Variants in TEX14 observed in about 807,000 individuals in gnomAD.
TEX14 encodes inactive serine/threonine-protein kinase TEX14.
A neutral mutation model predicts 178.6 loss-of-function variants in TEX14; 168 were observed. The observed-to-expected ratio is 0.94, with a 90% CI of 0.83 to 1.07. The LOEUF (loss-of-function observed/expected upper bound fraction) is 1.07, where lower values mean the gene tolerates loss of function less well. Among genes scored for constraint, TEX14 ranks in the 50% least tolerant of loss-of-function variants. The pLI is 0.00. For missense variants in TEX14, 1,730 were observed against 1,753.6 expected (o/e 0.99, Z 0.24); for synonymous variants, 626 against 634.1 (o/e 0.99, Z 0.19).
intron 11 of TEX14, among the ~76,000 whole-genome samples, chr17:58,604,405 A>G (rs576785783): frequency 3.3e-5 from 5 of 151,246 alleles, no homozygotes; most frequent in Admixed American, 2.6e-4. Flanking sequence ...CGGGAGGCAG[A>G]GGTTGCAGTA....
Position 58,572,103 on chromosome 17 carries a change from G to A in TEX14, c.3535C>T (p.Gln1179Ter). 6.2e-7 allele frequency: 1 copy of A among 1,607,418 alleles called. No individual in the cohort carries two copies. The highest frequency in any genetic ancestry group is 8.5e-7 in the Non-Finnish European group (1 of 1,174,596). The change falls in exon 24 of 32, where the codon CAG (glutamine) becomes TAG (stop). Residue 1179 changes from glutamine to a stop codon, truncating the protein, a stop_gained. Coordinates refer to ENST00000349033, the MANE Select transcript of TEX14 (RefSeq NM_031272.5). LOFTEE classifies it high-confidence loss of function. The stretch of plus-strand genomic sequence containing the variant: ...ATACTTTCAAGGCAGTCTTTATACT[G>A]ACTGGCAGCTGAAGAAACGGACCCT... Reference protein sequence around the residue: ...SPGSVSSAASQYKDCLESITF... With the variant: ...SPGSVSSAAS
chr17:58,592,807 A>G (rs539150742), intron 15 of TEX14, among the ~76,000 whole-genome samples: 62 of 152,180 alleles, frequency 4.1e-4, no homozygotes, highest in African/African-American at 1.3e-3. Context: ...CCAAAGTGCT[A>G]GGATTACAGG....
chr17:58,673,103 C>A (rs2047330488), intron 1 of TEX14, among the ~76,000 whole-genome samples: 1 of 152,014 alleles, frequency 6.6e-6, no homozygotes, highest in African/African-American at 2.4e-5. Context: ...GACAGTGGAG[C>A]CACTCCCAAA....
chr17:58,589,001 C>T (rs985051782), intron 15 of TEX14, among the ~76,000 whole-genome samples: 4 of 152,168 alleles, frequency 2.6e-5, no homozygotes, highest in Admixed American at 6.5e-5. Context: ...TGGCTGGGCA[C>T]GGTAGCTCAC....
rs777395611 is a variant in TEX14, at chr17:58,587,625, T to C, written c.2744A>G (p.Glu915Gly). The change falls in exon 17 of 32, where the codon GAG becomes GGG. Residue 915 changes from glutamate (E) to glycine (G), a missense_variant. By Grantham distance (98) the Glu-to-Gly change is moderately conservative. Around this residue, in one of 2 missense-constraint regions of TEX14, gnomAD observed 941 missense variants for 1,072.4 expected, o/e 0.88. Coordinates refer to ENST00000349033, the MANE Select transcript of TEX14 (RefSeq NM_031272.5). ...CTTTCCATCATCTTTATTTCTGGAC[T>C]CTGCATTATAGATTTCAGAAGAAAC... is the stretch of plus-strand genomic sequence containing the variant. ...EPVSSEIYNA[E>G]SRNKDDGKVH... 2 of 1,608,198 alleles carry C rather than the reference T, an allele frequency of 1.2e-6. No homozygotes were observed. The highest frequency in any genetic ancestry group is 1.7e-6 in the Non-Finnish European group (2 of 1,178,018).
intron 3 of TEX14, among the ~76,000 whole-genome samples, chr17:58,629,250 C>T (rs1200812390): frequency 6.6e-6 from 1 of 151,278 alleles, no homozygotes; most frequent in Non-Finnish European, 1.5e-5. Flanking sequence ...GCCAGGAGTT[C>T]GAGACCAGCC....
intron 11 of TEX14, among the ~76,000 whole-genome samples, chr17:58,603,887 C>CTGTGTG (rs71143257): frequency 0.028 from 2,909 of 105,194 alleles, 72 homozygotes; most frequent in East Asian, 0.067. Flanking sequence ...TGTGATTTTA[C>CTGTGTG]TGTGTGTGTG....
chr17:58,600,176 A>C (rs1246810330), intron 13 of TEX14, among the ~76,000 whole-genome samples: 2 of 152,116 alleles, frequency 1.3e-5, no homozygotes, highest in African/African-American at 4.8e-5. Flanking sequence ...CTTTTCACAC[A>C]AAAGAGTTTG....
intron 1 of TEX14, among the ~76,000 whole-genome samples, chr17:58,659,138 T>C (rs987270712): frequency 1.3e-5 from 2 of 150,844 alleles, no homozygotes; most frequent in South Asian, 2.1e-4. Flanking sequence ...TTTAAACTAG[T>C]TCAATCACAG....
At chr17:58,587,731 A>C (rs2045012696) in intron 16 of TEX14, 65 bp from the exon 17 acceptor site, 3 of 1,304,278 alleles carry the variant, frequency 2.3e-6, no homozygotes, top group Non-Finnish European at 3.3e-6. Context: ...CAGTTTGCTC[A>C]AGTTCTTGAC....
At chr17:58,597,326 G>T (rs1231370905) in intron 14 of TEX14, among the ~76,000 whole-genome samples, 3 of 152,082 alleles carry the variant, frequency 2.0e-5, no homozygotes, top group Non-Finnish European at 4.4e-5. Context: ...TTGAACCTGG[G>T]AGGCAGAGTT....
At position 58,563,811 on chromosome 17, in the gene TEX14, G is replaced by GACAC. The variant is rs113071230; in HGVS notation, c.4064+1054_4064+1057dup. Among the ~76,000 whole-genome samples the GACAC allele has an allele frequency of 5.3e-4, 73 of 138,158 alleles. No homozygotes were observed. In the South Asian group the frequency reaches 8.2e-3, roughly 15 times the overall value. The allele number at this position is 138,158 out of a possible 152,430, so 90.6% of individuals were successfully genotyped here. ...ACATATATATGTATACACACACACA[G>GACAC]ACACACACACACACACACACACACA... On this transcript the variant is annotated intron_variant, in intron 28 of 31. Coordinates refer to ENST00000349033, the MANE Select transcript of TEX14 (RefSeq NM_031272.5).
chr17:58,632,244 G>A (rs1481298742), intron 2 of TEX14, among the ~76,000 whole-genome samples: 3 of 152,230 alleles, frequency 2.0e-5, no homozygotes, highest in African/African-American at 7.2e-5. Flanking sequence ...CAAAGCCAAA[G>A]ATTGTGATAT....
At position 58,667,816 on chromosome 17, in the gene TEX14, C is replaced by T. The variant is rs956807853; in HGVS notation, c.-1-15814G>A. ...AGGAGAACTGCTTGAACCCGGGAGG[C>T]GAAGGTTGCAGTGAGGCAATGAGCC... On this transcript the variant is annotated intron_variant, in intron 1 of 31. Coordinates refer to ENST00000349033, the MANE Select transcript of TEX14 (RefSeq NM_031272.5). Among the ~76,000 whole-genome samples, 3 of 149,088 alleles carry T rather than the reference C, an allele frequency of 2.0e-5. No homozygotes were observed. The Admixed American group carries it at 2.1e-4, about 10-fold the overall frequency.
At chr17:58,566,027 T>C (rs1048471913) in intron 26 of TEX14, among the ~76,000 whole-genome samples, 1 of 152,192 alleles carries the variant, frequency 6.6e-6, no homozygotes, top group African/African-American at 2.4e-5. Flanking sequence ...GTGTTTTACT[T>C]AGCCCTTCAT....
chr17:58,567,104 T>C (rs1451174655), intron 26 of TEX14, among the ~76,000 whole-genome samples: 1 of 152,054 alleles, frequency 6.6e-6, no homozygotes, highest in African/African-American at 2.4e-5. Context: ...GAGGTGAAGG[T>C]TGCAGTGAGC....
At chr17:58,637,821 T>G (rs1430433734) in intron 2 of TEX14, among the ~76,000 whole-genome samples, 1 of 151,624 alleles carries the variant, frequency 6.6e-6, no homozygotes. Context: ...TGATGTACAG[T>G]CAATCATAAG....
intron 7 of TEX14, 77 bp downstream of exon 7, chr17:58,616,098 A>T: frequency 1.4e-6 from 2 of 1,478,474 alleles, no homozygotes; most frequent in Non-Finnish European, 1.8e-6. Flanking sequence ...GAAACTCCCC[A>T]CACATAAGGA....
chr17:58,673,432 G>A (rs868407895), intron 1 of TEX14, among the ~76,000 whole-genome samples: 3 of 150,288 alleles, frequency 2.0e-5, no homozygotes, highest in Non-Finnish European at 3.0e-5. Context: ...GCAGTGAGCC[G>A]AGATCACGCC....
Sources: allele counts gnomAD v4.1 joint callset (sites outside exome capture counted in the v4.1 genomes callset), GRCh38; gene constraint gnomAD v4.1.1; regional missense constraint gnomAD v4.1.1; transcripts MANE v1.5; gene names NCBI Gene and HGNC (gene_info 2026-07-23, HGNC 2026-07-21).